AGXT2: variants seen among roughly 807,000 people sequenced by gnomAD.
AGXT2 encodes alanine--glyoxylate aminotransferase 2.
A neutral mutation model predicts 62.5 loss-of-function variants in AGXT2; 61 were observed. The observed-to-expected ratio is 0.98, with a 90% CI of 0.79 to 1.21. The LOEUF (loss-of-function observed/expected upper bound fraction) is 1.21. Among genes scored for constraint, AGXT2 ranks in the 50% most tolerant of loss-of-function variants. The pLI is 0.00. For synonymous variants in AGXT2, 243 were observed against 218.7 expected (o/e 1.11, Z -0.98); for missense variants, 666 against 641.5 (o/e 1.04, Z -0.41).
Position 35,037,071 on chromosome 5 carries a change from T to A in AGXT2, c.363-6A>T. The stretch of plus-strand genomic sequence containing the variant: ...GTGCCACTGCATTCACCTTTCTGGA[T>A]AAGCAGTACAGCAGAGTTACCTGCA... On this transcript the variant is annotated splice_region_variant and splice_polypyrimidine_tract_variant and intron_variant, in intron 3 of 13. Transcript: ENST00000231420. 1 of 1,613,954 alleles carries A rather than the reference T, an allele frequency of 6.2e-7. No homozygotes were observed. The highest frequency in any genetic ancestry group is 2.2e-5 in the East Asian group (1 of 44,876).
At chr5:35,013,646 G>A (rs1251382589) in intron 10 of AGXT2, among the ~76,000 whole-genome samples, 1 of 152,182 alleles carries the variant, frequency 6.6e-6, no homozygotes, top group African/African-American at 2.4e-5. Context: ...GCTGGGCGTG[G>A]TGGTGCGCAC....
chr5:35,007,533 T>C (rs1279929917), intron 12 of AGXT2, among the ~76,000 whole-genome samples: 2 of 152,076 alleles, frequency 1.3e-5, no homozygotes. Flanking sequence ...GAGGGGAGAA[T>C]ACTGTGTTCC....
chr5:35,017,522 G>C (rs948239307), intron 9 of AGXT2, among the ~76,000 whole-genome samples: 2 of 151,794 alleles, frequency 1.3e-5, no homozygotes, highest in African/African-American at 4.8e-5. Context: ...AACCCTTTTT[G>C]CTTGACTCTC....
intron 9 of AGXT2, among the ~76,000 whole-genome samples, chr5:35,014,438 G>T (rs1337981257): frequency 3.2e-5 from 4 of 126,556 alleles, no homozygotes; most frequent in Non-Finnish European, 6.4e-5. Context: ...GAGTGACAGG[G>T]TGAGACTCCA....
chr5:35,017,922 G>A (rs1372081130), intron 9 of AGXT2, among the ~76,000 whole-genome samples: 2 of 152,214 alleles, frequency 1.3e-5, no homozygotes, highest in African/African-American at 4.8e-5. Flanking sequence ...ACTACGTGAA[G>A]AATGCAGAAG....
Position 35,003,943 on chromosome 5 carries a change from A to G in AGXT2, c.1339-82T>C, listed in dbSNP as rs1766330702. The G allele has an allele frequency of 3.7e-6, 5 of 1,341,664 alleles. No homozygotes were observed. The East Asian group carries it at 9.8e-5, about 26-fold the overall frequency. 83.1% of individuals were successfully genotyped at this position (1,341,664 alleles called of 1,614,324 possible). A position where few individuals can be genotyped will look rare whatever the true frequency, so the allele number is the denominator to read the frequency against. ...ATTTGCAAGAGAGGAAAAAAGAAAAACCCTTCAGCCATCAATGCCCCTCTT... is the reference window on the plus strand; with the variant it reads ...ATTTGCAAGAGAGGAAAAAAGAAAAGCCCTTCAGCCATCAATGCCCCTCTT... On this transcript the variant is annotated intron_variant, in intron 12 of 13. Coordinates refer to ENST00000231420, the MANE Select transcript of AGXT2 (RefSeq NM_031900.4).
intron 7 of AGXT2, chr5:35,026,910 T>C: frequency 1.0e-6 from 1 of 985,092 alleles, no homozygotes; most frequent in Non-Finnish European, 1.2e-6. Context: ...ATAACTCTAT[T>C]TACCTTTCAT....
chr5:35,024,412 G>C (rs994477891), intron 9 of AGXT2, among the ~76,000 whole-genome samples: 1 of 152,130 alleles, frequency 6.6e-6, no homozygotes, highest in Non-Finnish European at 1.5e-5. Context: ...AGTAGACAGA[G>C]GACTGCTTTA....
intron 11 of AGXT2, among the ~76,000 whole-genome samples, chr5:35,012,075 A>G (rs1766664305): frequency 2.0e-5 from 3 of 152,118 alleles, no homozygotes; most frequent in Admixed American, 2.0e-4. Flanking sequence ...TTGGAGACCC[A>G]GAAGCGGGGA....
At chr5:35,026,128 A>G in intron 8 of AGXT2, 1 of 595,238 alleles carries the variant, frequency 1.7e-6, no homozygotes, top group Non-Finnish European at 3.0e-6. Context: ...AGTTCTTTGG[A>G]CAATGCGGAT....
At chr5:35,042,421 G>A (rs1319870805) in intron 1 of AGXT2, among the ~76,000 whole-genome samples, 1 of 152,030 alleles carries the variant, frequency 6.6e-6, no homozygotes, top group Non-Finnish European at 1.5e-5. Context: ...GTAGGAGAAA[G>A]AATAATAGGA....
intron 6 of AGXT2, 73 bp from the exon 7 acceptor site, chr5:35,032,898 C>T: frequency 1.6e-6 from 2 of 1,228,688 alleles, no homozygotes; most frequent in Non-Finnish European, 2.3e-6. Context: ...CATATGGCTG[C>T]CATCAAGACA....
At chr5:35,000,030 C>A (rs920120493) in intron 13 of AGXT2, among the ~76,000 whole-genome samples, 3 of 152,224 alleles carry the variant, frequency 2.0e-5, no homozygotes, top group Non-Finnish European at 4.4e-5. Context: ...CAAATGCTTT[C>A]TTCCTGCTTT....
At chr5:35,042,211 CAAAGA>C (rs1482630507) in intron 1 of AGXT2, among the ~76,000 whole-genome samples, 2 of 152,076 alleles carry the variant, frequency 1.3e-5, no homozygotes, top group African/African-American at 2.4e-5. Flanking sequence ...AAATACTTGA[CAAAGA>C]AAAGCTTGAA....
intron 9 of AGXT2, among the ~76,000 whole-genome samples, chr5:35,019,294 C>G (rs1328508920): frequency 1.3e-5 from 2 of 149,040 alleles, no homozygotes. Context: ...CCACACCACA[C>G]CTATTCAAAA....
chr5:35,005,337 G>A (rs567034002), intron 12 of AGXT2, among the ~76,000 whole-genome samples: 38 of 152,096 alleles, frequency 2.5e-4, no homozygotes, highest in Admixed American at 2.0e-3. Context: ...CAAGTGATTC[G>A]CCTGCCTCAG....
chr5:35,011,550 G>A (rs1295804321), intron 11 of AGXT2, among the ~76,000 whole-genome samples: 1 of 149,956 alleles, frequency 6.7e-6, no homozygotes, highest in Admixed American at 6.7e-5. Context: ...TGACTTAATT[G>A]TAGTTGAAAA....
At chr5:35,043,315 A>C (rs181271913) in intron 1 of AGXT2, among the ~76,000 whole-genome samples, 2 of 152,296 alleles carry the variant, frequency 1.3e-5, no homozygotes, top group African/African-American at 4.8e-5. Context: ...AAATGAAAAA[A>C]AGATTCTAAA....
At chr5:35,003,605 T>C (rs1215036216) in intron 13 of AGXT2, among the ~76,000 whole-genome samples, 158 bp downstream of exon 13, 1 of 150,672 alleles carries the variant, frequency 6.6e-6, no homozygotes, top group Non-Finnish European at 1.5e-5. Context: ...CCGAGCTTCA[T>C]CCCTAGATGA....
Sources: gnomAD v4.1 joint callset for allele counts (sites outside exome capture counted in the v4.1 genomes callset) on GRCh38, gnomAD v4.1.1 for gene constraint, MANE v1.5 for transcripts, NCBI Gene and HGNC (gene_info 2026-07-23, HGNC 2026-07-21) for gene names.